TPM4: variants seen among roughly 807,000 people sequenced by gnomAD.
The protein encoded by TPM4 is tropomyosin 4.
Under a neutral mutation model 35.8 loss-of-function variants are expected in TPM4, and 17 were observed. The observed-to-expected ratio is 0.47, with a 90% CI of 0.32 to 0.71. The LOEUF is 0.71. Ranked by LOEUF, TPM4 falls within the 30% of genes least tolerant of loss-of-function variation. TPM4 has a pLI of 0.03. For synonymous variants in TPM4, 120 were observed against 122.9 expected, an observed-to-expected ratio of 0.98 and a Z score of 0.15; for missense variants, 240 against 320.9, an observed-to-expected ratio of 0.75 and a Z score of 1.93.
chr19:16,097,520 C>T (rs752378708), intron 7 of TPM4, among the ~76,000 whole-genome samples: 3 of 152,018 alleles, frequency 2.0e-5, no homozygotes, highest in Admixed American at 6.6e-5. Context: ...GTGATCCACC[C>T]GCCTCGGCCT....
chr19:16,079,475 G>A (rs954272721), intron 1 of TPM4, among the ~76,000 whole-genome samples: 5 of 152,170 alleles, frequency 3.3e-5, no homozygotes, highest in Admixed American at 3.3e-4. Flanking sequence ...CCTCAGTGAC[G>A]TTTCTTAAGA....
upstream of TPM4, chr19:16,075,944 G>C (rs1734376947): frequency 6.9e-7 from 1 of 1,458,496 alleles, no homozygotes; most frequent in Non-Finnish European, 9.1e-7. Flanking sequence ...GATGCCCAGA[G>C]AGAGACGGAG....
chr19:16,079,067 C>T (rs897089024), intron 1 of TPM4, among the ~76,000 whole-genome samples: 76 of 152,118 alleles, frequency 5.0e-4, no homozygotes, highest in Admixed American at 4.8e-3. Flanking sequence ...CAAAATGACT[C>T]GGCCGTGACT....
chr19:16,094,387 T>C (rs1181590085), intron 7 of TPM4, among the ~76,000 whole-genome samples: 3 of 151,540 alleles, frequency 2.0e-5, no homozygotes, highest in Non-Finnish European at 4.4e-5. Context: ...TAGAAAAAAT[T>C]AGCCAGGCGT....
At chr19:16,085,952 C>A (rs1175140873) in intron 2 of TPM4, among the ~76,000 whole-genome samples, 1 of 151,528 alleles carries the variant, frequency 6.6e-6, no homozygotes, top group East Asian at 1.9e-4. Context: ...GCCTATAGTC[C>A]CGGCTATGCT....
At chr19:16,086,619 C>A in intron 3 of TPM4, 79 bp downstream of exon 3, 1 of 1,221,278 alleles carries the variant, frequency 8.2e-7, no homozygotes, top group Non-Finnish European at 1.2e-6. Context: ...ACACCGGGGC[C>A]AACGAAAGGA....
At chr19:16,076,253 G>A, upstream of TPM4, 3 of 1,540,546 alleles carry the variant, frequency 1.9e-6, no homozygotes, top group Non-Finnish European at 2.6e-6. Context: ...AGCCGCAGGG[G>A]GAGGAGGAAG....
Position 16,068,791 on chromosome 19 carries a change from TTC to T in TPM4, c.114+1055_114+1056del, listed in dbSNP as rs553566759. Among the ~76,000 whole-genome samples, 160 of 151,798 alleles carry T rather than the reference TTC, an allele frequency of 1.1e-3. 2 individuals are homozygous for T. Among genetic ancestry groups the T allele is most frequent in the African/African-American group, 3.8e-3 (157 of 41,102 alleles). On this transcript the variant is annotated intron_variant, in intron 2 of 2. Transcript: ENST00000589897. The stretch of plus-strand genomic sequence containing the variant: ...AGTGTATCTGTGTGTGTTTGAGCCT[TTC>T]TGTGTGTGCACATGTGTTGTATGTG...
rs571207396 is a variant in TPM4, at chr19:16,102,376, A to G, written c.*1030A>G. On this transcript the variant is annotated 3_prime_UTR_variant, in exon 8 of 8. Transcript: ENST00000643579. Reference sequence around the variant, plus strand: ...AAATAAAGTTGTTCTCTGAAGAGCAAATGTCTCATTCCAGTAATGACCCAC... The same window carrying G: ...AAATAAAGTTGTTCTCTGAAGAGCAGATGTCTCATTCCAGTAATGACCCAC... The G allele has an allele frequency of 4.7e-6, 1 of 214,636 alleles. No homozygotes were observed. The highest frequency in any genetic ancestry group is 2.3e-5 in the African/African-American group (1 of 44,432). The allele number at this position is 214,636 out of a possible 1,614,324, so 13.3% of individuals were successfully genotyped here. A position where few individuals can be genotyped will look rare whatever the true frequency, so the allele number is the denominator to read the frequency against.
At chr19:16,087,084 C>T (rs2090565085) in intron 3 of TPM4, among the ~76,000 whole-genome samples, 1 of 152,122 alleles carries the variant, frequency 6.6e-6, no homozygotes, top group South Asian at 2.1e-4. Flanking sequence ...TTGAGACCAG[C>T]CTGGGCAACA....
intron 2 of TPM4, chr19:16,068,023 T>C (rs923592509): frequency 2.2e-6 from 1 of 461,350 alleles, no homozygotes; most frequent in African/African-American, 2.0e-5. Flanking sequence ...GTGAGCGAGG[T>C]GTCGTTTGCG....
At chr19:16,090,529 CTT>C (rs1465381945) in intron 5 of TPM4, among the ~76,000 whole-genome samples, 1 of 151,848 alleles carries the variant, frequency 6.6e-6, no homozygotes, top group African/African-American at 2.4e-5. Context: ...GCTGGGATTA[CTT>C]TGGGAGGCCG....
At chr19:16,094,229 T>A (rs925933863) in intron 7 of TPM4, among the ~76,000 whole-genome samples, 2 of 152,032 alleles carry the variant, frequency 1.3e-5, no homozygotes, top group African/African-American at 4.8e-5. Flanking sequence ...TAAAAAAATA[T>A]TAATAATAAA....
At chr19:16,096,545 C>G (rs2090699724) in intron 7 of TPM4, among the ~76,000 whole-genome samples, 1 of 152,150 alleles carries the variant, frequency 6.6e-6, no homozygotes, top group African/African-American at 2.4e-5. Context: ...ATTTTGATCT[C>G]CATTTCCTCC....
intron 3 of TPM4, among the ~76,000 whole-genome samples, 183 bp downstream of exon 3, chr19:16,086,723 A>G (rs2090558982): frequency 6.6e-6 from 1 of 152,188 alleles, no homozygotes; most frequent in African/African-American, 2.4e-5. Flanking sequence ...GATGCCAGAA[A>G]GTGCTGCGGA....
intron 3 of TPM4, 65 bp from the exon 4 acceptor site, chr19:16,087,962 G>A (rs1327864202): frequency 3.9e-6 from 6 of 1,542,646 alleles, no homozygotes; most frequent in Non-Finnish European, 5.3e-6. Flanking sequence ...GGGGCTGTCT[G>A]CAGTGGATGG....
intron 1 of TPM4, chr19:16,080,110 C>T (rs2090464984): frequency 5.1e-6 from 1 of 194,938 alleles, no homozygotes; most frequent in Admixed American, 6.1e-5. Flanking sequence ...CCGTTTGACC[C>T]GTTCTCAATA....
intron 7 of TPM4, among the ~76,000 whole-genome samples, chr19:16,096,834 A>G (rs2090703651): frequency 6.6e-6 from 1 of 151,882 alleles, no homozygotes; most frequent in African/African-American, 2.4e-5. Context: ...TAGTTATAAC[A>G]GGAACCTTGC....
At chr19:16,090,609 A>ATTT (rs1379291169) in intron 5 of TPM4, among the ~76,000 whole-genome samples, 1 of 151,976 alleles carries the variant, frequency 6.6e-6, no homozygotes, top group Non-Finnish European at 1.5e-5. Context: ...TCCTTCTCTG[A>ATTT]TTTCTCATCT....
Sources: allele counts gnomAD v4.1 joint callset (sites outside exome capture counted in the v4.1 genomes callset), GRCh38; gene constraint gnomAD v4.1.1; transcripts MANE v1.5; gene names NCBI Gene and HGNC (gene_info 2026-07-23, HGNC 2026-07-21).